PTPRK: variants seen among roughly 807,000 people sequenced by gnomAD.
The protein encoded by PTPRK is protein tyrosine phosphatase receptor type K.
In PTPRK, 75 loss-of-function variants were observed where a neutral mutation model predicts 178.0. That is an observed-to-expected ratio of 0.42 (90% confidence interval 0.35 to 0.51). The LOEUF (loss-of-function observed/expected upper bound fraction) is 0.51. Among genes scored for constraint, PTPRK ranks in the 20% least tolerant of loss-of-function variants. The pLI, the probability that PTPRK is intolerant of heterozygous loss-of-function variation, is 0.02. For missense variants in PTPRK, 1,441 were observed against 1,797.8 expected (o/e 0.80, Z 3.59); for synonymous variants, 637 against 620.6 (o/e 1.03, Z -0.39).
intron 13 of PTPRK, among the ~76,000 whole-genome samples, chr6:128,017,623 A>C (rs1219691734): frequency 1.3e-5 from 2 of 150,650 alleles, no homozygotes; most frequent in African/African-American, 4.9e-5. Flanking sequence ...AGGGCAATAT[A>C]GTTTTAGCAT....
At chr6:128,181,277 T>C (rs1801866998) in intron 7 of PTPRK, among the ~76,000 whole-genome samples, 1 of 152,108 alleles carries the variant, frequency 6.6e-6, no homozygotes, top group Admixed American at 6.6e-5. Context: ...GGTCAATGCC[T>C]CAAATACCTT....
chr6:128,072,971 A>G (rs1036302666), intron 11 of PTPRK, among the ~76,000 whole-genome samples: 12 of 152,256 alleles, frequency 7.9e-5, no homozygotes, highest in African/African-American at 2.9e-4. Flanking sequence ...TGGAAAAAAC[A>G]AAAGACCTAG....
chr6:128,514,977 A>G lies in PTPRK; in HGVS notation c.100+5282T>C, dbSNP rs148995830. 1.7e-3 allele frequency among the ~76,000 whole-genome samples: 257 copies of G among 152,358 alleles called. 1 individual carries two copies. Among genetic ancestry groups the G allele is most frequent in the African/African-American group, 5.9e-3 (247 of 41,576 alleles). On this transcript the variant is annotated intron_variant, in intron 1 of 29. Transcript: ENST00000368226. ...ACAGAATCTTCATGAAACTTTAAAAACCTTTTATGTGAAACTACGTTTCTT... is the reference window on the plus strand; with the variant it reads ...ACAGAATCTTCATGAAACTTTAAAAGCCTTTTATGTGAAACTACGTTTCTT...
At chr6:128,338,969 A>G (rs945946580) in intron 2 of PTPRK, among the ~76,000 whole-genome samples, 5 of 152,186 alleles carry the variant, frequency 3.3e-5, no homozygotes, top group South Asian at 2.1e-4. Context: ...AATCATCTAC[A>G]TATGCATTTA....
chr6:127,991,598 T>TC (rs1554261564), intron 19 of PTPRK, among the ~76,000 whole-genome samples: 3 of 132,112 alleles, frequency 2.3e-5, no homozygotes, highest in Admixed American at 7.6e-5. Flanking sequence ...TTTTTTTTTT[T>TC]TCAATTTGCC....
intron 5 of PTPRK, among the ~76,000 whole-genome samples, chr6:128,221,858 C>A (rs540326054): frequency 6.6e-6 from 1 of 152,114 alleles, no homozygotes; most frequent in African/African-American, 2.4e-5. Flanking sequence ...AGCCAAAACT[C>A]TTTCCCTACA....
At chr6:128,417,278 G>A (rs1842956747) in intron 1 of PTPRK, among the ~76,000 whole-genome samples, 1 of 152,074 alleles carries the variant, frequency 6.6e-6, no homozygotes, top group Non-Finnish European at 1.5e-5. Context: ...AAAATACCAG[G>A]ACAAGATAAG....
At chr6:128,494,038 A>G (rs1297461071) in intron 1 of PTPRK, among the ~76,000 whole-genome samples, 1 of 152,160 alleles carries the variant, frequency 6.6e-6, no homozygotes, top group Non-Finnish European at 1.5e-5. Flanking sequence ...TTAAATATAG[A>G]CAAACAGTAG....
intron 11 of PTPRK, among the ~76,000 whole-genome samples, chr6:128,075,437 A>G (rs1783625811): frequency 1.3e-5 from 2 of 151,918 alleles, no homozygotes; most frequent in African/African-American, 2.4e-5. Flanking sequence ...ACTCTCCATG[A>G]CCTAGGCTAT....
chr6:128,115,005 C>T (rs1455585514), intron 7 of PTPRK, among the ~76,000 whole-genome samples: 1 of 152,004 alleles, frequency 6.6e-6, no homozygotes, highest in Non-Finnish European at 1.5e-5. Context: ...AACCAAAACA[C>T]AGTCCCCCAG....
intron 13 of PTPRK, among the ~76,000 whole-genome samples, chr6:128,021,997 A>G (rs1773581892): frequency 6.6e-6 from 1 of 152,184 alleles, no homozygotes; most frequent in Non-Finnish European, 1.5e-5. Context: ...TGGAGGGTAC[A>G]TACCAGCGCC....
chr6:128,310,174 G>A (rs975265068), intron 3 of PTPRK, among the ~76,000 whole-genome samples: 1 of 152,092 alleles, frequency 6.6e-6, no homozygotes, highest in Admixed American at 6.6e-5. Context: ...CTTTCTCTCT[G>A]ATTTCTGGTC....
At chr6:128,323,931 T>TA (rs1178778203) in intron 2 of PTPRK, among the ~76,000 whole-genome samples, 1 of 152,130 alleles carries the variant, frequency 6.6e-6, no homozygotes, top group African/African-American at 2.4e-5. Flanking sequence ...TCTTTATTTT[T>TA]AAAAAGGATA....
intron 7 of PTPRK, among the ~76,000 whole-genome samples, chr6:128,123,445 C>G (rs1272187325): frequency 1.3e-5 from 2 of 152,076 alleles, no homozygotes; most frequent in African/African-American, 4.8e-5. Flanking sequence ...CCTGCATGTA[C>G]ACAGGCTCTT....
At chr6:128,050,428 G>A (rs1778811551) in intron 13 of PTPRK, among the ~76,000 whole-genome samples, 1 of 152,124 alleles carries the variant, frequency 6.6e-6, no homozygotes, top group African/African-American at 2.4e-5. Flanking sequence ...AGCCTTTCTT[G>A]ATTTCTAGTA....
chr6:128,341,556 T>C (rs1469515657), intron 2 of PTPRK, among the ~76,000 whole-genome samples: 1 of 152,158 alleles, frequency 6.6e-6, no homozygotes, highest in Non-Finnish European at 1.5e-5. Flanking sequence ...AAGAAAAACA[T>C]TTTTTCAAAA....
At chr6:128,406,503 T>G (rs1017943119) in intron 1 of PTPRK, among the ~76,000 whole-genome samples, 5 of 152,194 alleles carry the variant, frequency 3.3e-5, no homozygotes, top group African/African-American at 9.6e-5. Context: ...TATTAACTAT[T>G]GCTATTGGAT....
chr6:128,027,597 TA>T (rs1251809784), intron 13 of PTPRK, among the ~76,000 whole-genome samples: 1 of 152,072 alleles, frequency 6.6e-6, no homozygotes, highest in African/African-American at 2.4e-5. Flanking sequence ...AGGCTTGTTG[TA>T]TGTTTTTTTT....
chr6:127,987,855 T>G (rs1776155741), intron 21 of PTPRK, among the ~76,000 whole-genome samples: 1 of 152,176 alleles, frequency 6.6e-6, no homozygotes, highest in African/African-American at 2.4e-5. Flanking sequence ...ACATGGCTGC[T>G]ACTAGGTATT....
Sources: gnomAD v4.1 joint callset for allele counts (sites outside exome capture counted in the v4.1 genomes callset) on GRCh38, gnomAD v4.1.1 for gene constraint, MANE v1.5 for transcripts, NCBI Gene and HGNC (gene_info 2026-07-23, HGNC 2026-07-21) for gene names.